TSPAN5: variants seen among roughly 807,000 people sequenced by gnomAD.
TSPAN5 encodes tetraspanin-5.
In TSPAN5, 10 loss-of-function variants were observed where a neutral mutation model predicts 37.1. The ratio of observed to expected loss-of-function variants is 0.27; its 90% CI spans 0.17 to 0.46. TSPAN5 has a LOEUF of 0.46. TSPAN5 is among the 20% of genes least tolerant of loss of function. The pLI is 1.00. For synonymous variants in TSPAN5, 110 were observed against 118.9 expected (o/e 0.93, Z 0.48); for missense variants, 195 against 326.6 (o/e 0.60, Z 3.11).
At chr4:98,583,796 G>C (rs1466042454) in intron 1 of TSPAN5, among the ~76,000 whole-genome samples, 1 of 152,238 alleles carries the variant, frequency 6.6e-6, no homozygotes, top group South Asian at 2.1e-4. Context: ...ATAAGTGAGA[G>C]AACGCATGTA....
intron 2 of TSPAN5, among the ~76,000 whole-genome samples, chr4:98,507,411 C>T (rs1395688684): frequency 6.6e-6 from 1 of 152,180 alleles, no homozygotes; most frequent in Non-Finnish European, 1.5e-5. Context: ...GAACATCGAT[C>T]TTTGGCTAAC....
chr4:98,578,845 A>T (rs1755305190), intron 1 of TSPAN5, among the ~76,000 whole-genome samples: 1 of 152,116 alleles, frequency 6.6e-6, no homozygotes, highest in East Asian at 1.9e-4. Context: ...CCTCTCAGCC[A>T]CCTTGGGAAT....
At chr4:98,510,328 T>TTCA (rs1753576981) in intron 1 of TSPAN5, among the ~76,000 whole-genome samples, 1 of 152,174 alleles carries the variant, frequency 6.6e-6, no homozygotes, top group Non-Finnish European at 1.5e-5. Context: ...AGTTGAGGCA[T>TTCA]TCAGGCTGGA....
rs1404434957 is a variant in TSPAN5 at position 98,471,795 on chromosome 4, TAAAC to T, written c.*723_*726del. 1.3e-5 allele frequency: 2 copies of T among 152,208 alleles called. No homozygotes were observed. Among genetic ancestry groups the T allele is most frequent in the African/African-American group, 4.8e-5 (2 of 41,438 alleles). The allele number at this position is 152,208 out of a possible 1,614,324, so 9.4% of individuals were successfully genotyped here. A position where few individuals can be genotyped will look rare whatever the true frequency, so the allele number is the denominator to read the frequency against. On this transcript the variant is annotated 3_prime_UTR_variant, in exon 8 of 8. Coordinates refer to ENST00000305798, the MANE Select transcript of TSPAN5 (RefSeq NM_005723.4). ...TCATTTTCTCCTTGAATTTCACTGA[TAAAC>T]AAAGCTCAGGTCTACTTAGAAAAAC...
chr4:98,618,474 G>T (rs149085681), intron 1 of TSPAN5, among the ~76,000 whole-genome samples: 1 of 152,128 alleles, frequency 6.6e-6, no homozygotes. Context: ...AATAGCAGTC[G>T]TAATAACTAA....
chr4:98,504,042 G>C (rs1055479143), intron 2 of TSPAN5, among the ~76,000 whole-genome samples: 1 of 152,186 alleles, frequency 6.6e-6, no homozygotes, highest in Non-Finnish European at 1.5e-5. Flanking sequence ...ATGTTGAACT[G>C]CAATATTAGC....
chr4:98,495,176 C>T (rs374607505), intron 2 of TSPAN5, among the ~76,000 whole-genome samples: 129 of 152,262 alleles, frequency 8.5e-4, no homozygotes, highest in African/African-American at 2.8e-3. Flanking sequence ...GTTCTATCCC[C>T]GTTAGATCTG....
At chr4:98,540,076 C>T (rs904903910) in intron 1 of TSPAN5, among the ~76,000 whole-genome samples, 3 of 152,106 alleles carry the variant, frequency 2.0e-5, no homozygotes, top group Admixed American at 6.5e-5. Context: ...AGAGAACTAC[C>T]CAGCTAAGCC....
At chr4:98,621,633 G>A (rs1045435368) in intron 1 of TSPAN5, among the ~76,000 whole-genome samples, 2 of 152,104 alleles carry the variant, frequency 1.3e-5, no homozygotes, top group Non-Finnish European at 2.9e-5. Flanking sequence ...CTCCCAAAGT[G>A]CTAGGATAAC....
chr4:98,644,604 TAACTC>T (rs1757024648), intron 1 of TSPAN5, among the ~76,000 whole-genome samples: 3 of 152,172 alleles, frequency 2.0e-5, no homozygotes, highest in African/African-American at 7.2e-5. Flanking sequence ...CTGCACCCAC[TAACTC>T]GTCATTGAAC....
At chr4:98,564,745 A>C (rs1304730168) in intron 1 of TSPAN5, among the ~76,000 whole-genome samples, 1 of 150,942 alleles carries the variant, frequency 6.6e-6, no homozygotes, top group South Asian at 2.1e-4. Context: ...CCCAGGCTGG[A>C]GTGCAGTGGC....
chr4:98,636,589 G>A (rs1208055329), intron 1 of TSPAN5, among the ~76,000 whole-genome samples: 1 of 152,104 alleles, frequency 6.6e-6, no homozygotes, highest in Non-Finnish European at 1.5e-5. Context: ...ATAGAGGTAT[G>A]CAATAAAAAT....
At chr4:98,505,181 CA>C (rs993558942) in intron 2 of TSPAN5, among the ~76,000 whole-genome samples, 3 of 152,056 alleles carry the variant, frequency 2.0e-5, no homozygotes, top group African/African-American at 7.2e-5. Flanking sequence ...CAGTCCATAG[CA>C]AAGCCACAAA....
chr4:98,600,307 GACA>G (rs1212095644), intron 1 of TSPAN5, among the ~76,000 whole-genome samples: 1 of 152,084 alleles, frequency 6.6e-6, no homozygotes, highest in Non-Finnish European at 1.5e-5. Flanking sequence ...CTTAAAATAA[GACA>G]ACAATGAAGT....
intron 1 of TSPAN5, among the ~76,000 whole-genome samples, chr4:98,609,563 C>T (rs1337070866): frequency 6.6e-6 from 1 of 152,198 alleles, no homozygotes; most frequent in Non-Finnish European, 1.5e-5. Flanking sequence ...GTGAAGGAAG[C>T]TCCCCACGAG....
At chr4:98,624,716 T>C (rs1170103531) in intron 1 of TSPAN5, among the ~76,000 whole-genome samples, 2 of 152,226 alleles carry the variant, frequency 1.3e-5, no homozygotes, top group African/African-American at 4.8e-5. Context: ...GAGCAGTAAC[T>C]TACATTAATT....
intron 1 of TSPAN5, among the ~76,000 whole-genome samples, chr4:98,621,847 A>C (rs76261768): frequency 0.024 from 3,417 of 139,654 alleles, 66 homozygotes; most frequent in South Asian, 0.059. Flanking sequence ...ATTTTTGCCT[A>C]TTCTGTACGT....
rs1752575848 is a variant in TSPAN5, at chr4:98,471,211, T to G, written c.*1311A>C. The G allele has an allele frequency of 6.6e-6, 1 of 152,234 alleles. No individual in the cohort carries two copies. Among genetic ancestry groups the G allele is most frequent in the Non-Finnish European group, 1.5e-5 (1 of 68,054 alleles). The allele number at this position is 152,234 out of a possible 1,614,324, so 9.4% of individuals were successfully genotyped here. On this transcript the variant is annotated 3_prime_UTR_variant, in exon 8 of 8. Transcript: ENST00000305798. ...AAGGAGCTATGGCCATGCACTATTTTCTTTTTTTAATAAAAGCAAACTAAA... is the reference window on the plus strand; with the variant it reads ...AAGGAGCTATGGCCATGCACTATTTGCTTTTTTTAATAAAAGCAAACTAAA...
At chr4:98,524,053 T>G (rs1339487598) in intron 1 of TSPAN5, among the ~76,000 whole-genome samples, 1 of 152,216 alleles carries the variant, frequency 6.6e-6, no homozygotes, top group Non-Finnish European at 1.5e-5. Flanking sequence ...AAAAGTGTAA[T>G]TAAAAAGTCT....
Sources: gnomAD v4.1 joint callset for allele counts (sites outside exome capture counted in the v4.1 genomes callset) on GRCh38, gnomAD v4.1.1 for gene constraint, MANE v1.5 for transcripts, NCBI Gene and HGNC (gene_info 2026-07-23, HGNC 2026-07-21) for gene names.